The following VPS45 variants were observed in gnomAD, a reference collection of about 807,000 sequenced individuals.
VPS45 encodes the protein vacuolar protein sorting-associated protein 45.
VPS45 carries 35 observed loss-of-function variants against 75.9 expected under a neutral mutation model. The observed-to-expected ratio is 0.46, with a 90% CI of 0.35 to 0.61. VPS45 has a LOEUF of 0.61. Ranked by LOEUF, VPS45 falls within the 20% of genes least tolerant of loss-of-function variation. VPS45 has a pLI of 0.00. For synonymous variants in VPS45, 220 were observed against 238.2 expected, an observed-to-expected ratio of 0.92 and a Z score of 0.70; for missense variants, 559 against 685.9, an observed-to-expected ratio of 0.81 and a Z score of 2.07.
At chr1:150,109,227 C>T (rs1417973138) in intron 13 of VPS45, 6 of 152,146 alleles carry the variant, frequency 3.9e-5, no homozygotes, top group Non-Finnish European at 8.8e-5. Context: ...GCCTGGGTTT[C>T]ACCATGTTGG....
chr1:150,084,223 G>T (rs1195181165), intron 10 of VPS45, among the ~76,000 whole-genome samples: 1 of 152,176 alleles, frequency 6.6e-6, no homozygotes, highest in Non-Finnish European at 1.5e-5. Flanking sequence ...CAGTTTACAA[G>T]CTTTATGAAG....
intron 14 of VPS45, among the ~76,000 whole-genome samples, chr1:150,124,495 C>T (rs1171254783): frequency 2.0e-5 from 3 of 150,444 alleles, no homozygotes; most frequent in African/African-American, 7.3e-5. Flanking sequence ...AAAAATCATT[C>T]ATAATACCAC....
intron 14 of VPS45, among the ~76,000 whole-genome samples, chr1:150,135,638 C>A (rs184798371): frequency 6.6e-6 from 1 of 151,656 alleles, no homozygotes; most frequent in African/African-American, 2.4e-5. Context: ...CTGGACTACA[C>A]CCTTAGGACT....
chr1:150,123,177 A>C (rs1426459915), intron 14 of VPS45, among the ~76,000 whole-genome samples: 1 of 152,162 alleles, frequency 6.6e-6, no homozygotes, highest in Non-Finnish European at 1.5e-5. Flanking sequence ...AGACTCCTCC[A>C]TGTGTAACAT....
At position 150,140,256 on chromosome 1, in the gene VPS45, T is replaced by C. The variant is rs587657580; in HGVS notation, c.1626-4453T>C. 3.3e-5 allele frequency among the ~76,000 whole-genome samples: 5 copies of C among 152,310 alleles called. No homozygotes were observed. In the East Asian group the frequency reaches 9.6e-4, roughly 29 times the overall value. On this transcript the variant is annotated intron_variant, in intron 14 of 14. Coordinates refer to ENST00000644510, the MANE Select transcript of VPS45 (RefSeq NM_007259.5). ...ACTACCATCTCCAATACTCCTTTTTTAAACCTGCTTTATCTTTTCCCATAG... is the reference window on the plus strand; with the variant it reads ...ACTACCATCTCCAATACTCCTTTTTCAAACCTGCTTTATCTTTTCCCATAG...
intron 14 of VPS45, among the ~76,000 whole-genome samples, chr1:150,144,330 A>G (rs1390052950): frequency 1.3e-5 from 2 of 152,240 alleles, no homozygotes; most frequent in Non-Finnish European, 2.9e-5. Context: ...ACAACATACA[A>G]GCTCTGAGAC....
Position 150,085,603 on chromosome 1 carries a change from A to G in VPS45, c.1104+2720A>G, listed in dbSNP as rs139600494. Among the ~76,000 whole-genome samples, 3 of 152,158 alleles carry G rather than the reference A, an allele frequency of 2.0e-5. No individual in the cohort carries two copies. In the East Asian group the frequency reaches 5.8e-4, roughly 29 times the overall value. ...GGATCTTTTGTTTGATAGTAAGTGG[A>G]TGTCAGGGGCCTGACTTCTAGAGGG... On this transcript the variant is annotated intron_variant, in intron 10 of 14. Transcript: ENST00000644510.
intron 12 of VPS45, 53 bp downstream of exon 12, chr1:150,092,462 G>A: frequency 7.0e-7 from 1 of 1,419,730 alleles, no homozygotes; most frequent in Non-Finnish European, 9.8e-7. Context: ...AAGTCCTTGA[G>A]GCTGAGAGTG....
intron 14 of VPS45, among the ~76,000 whole-genome samples, chr1:150,114,467 C>CAA (rs1281790882): frequency 1.1e-4 from 13 of 122,722 alleles, no homozygotes; most frequent in African/African-American, 4.0e-4. Context: ...AACACCATCT[C>CAA]AAAAAAAAAA....
At chr1:150,099,901 G>T (rs2101584781) in intron 13 of VPS45, among the ~76,000 whole-genome samples, 1 of 149,210 alleles carries the variant, frequency 6.7e-6, no homozygotes, top group East Asian at 2.0e-4. Flanking sequence ...ATGGGCAAAA[G>T]CTGGAAGCAT....
chr1:150,083,292 C>T (rs1331065362), intron 10 of VPS45: 1 of 154,266 alleles, frequency 6.5e-6, no homozygotes, highest in African/African-American at 2.4e-5. Flanking sequence ...AAAGATAAAA[C>T]ATATATTAAA....
At chr1:150,093,800 A>T (rs1268652104) in intron 13 of VPS45, 152 bp downstream of exon 13, 1 of 961,936 alleles carries the variant, frequency 1.0e-6, no homozygotes, top group African/African-American at 1.6e-5. Flanking sequence ...TCAGCATTAG[A>T]TATGAATTCC....
chr1:150,092,367 A>C lies in VPS45; in HGVS notation c.1329A>C (p.Lys443Asn). 1 of 1,614,182 alleles carries C rather than the reference A, an allele frequency of 6.2e-7. No homozygotes were observed. Among genetic ancestry groups the C allele is most frequent in the South Asian group, 1.1e-5 (1 of 91,084 alleles). ...GAGGAAGTGACCTCTTCAGCCCCAA[A>C]GATGCTGTGGCTATCACCAAACAAT... ...RVRGSDLFSP[K>N]DAVAITKQFL... is the part of the protein sequence containing the mutation. Residue 443 changes from lysine (K) to asparagine (N), a missense_variant, in exon 12 of 15, where the codon AAA becomes AAC. Transcript: ENST00000644510.
intron 14 of VPS45, among the ~76,000 whole-genome samples, chr1:150,140,580 G>GT (rs139461281): frequency 0.04 from 6,084 of 151,216 alleles, 345 homozygotes; most frequent in African/African-American, 0.13. Context: ...GAGCAGAGGG[G>GT]TTTTTTTTTA....
At chr1:150,099,438 G>A (rs782112657) in intron 13 of VPS45, among the ~76,000 whole-genome samples, 8 of 151,598 alleles carry the variant, frequency 5.3e-5, no homozygotes, top group Admixed American at 2.6e-4. Flanking sequence ...GGCTGAACCC[G>A]GGAGGCAAAG....
At chr1:150,098,541 T>C (rs1553803532) in intron 13 of VPS45, among the ~76,000 whole-genome samples, 2 of 152,220 alleles carry the variant, frequency 1.3e-5, no homozygotes, top group Non-Finnish European at 2.9e-5. Flanking sequence ...CTAGCCACTT[T>C]CTTGGCCCTG....
At chr1:150,136,726 C>T (rs1330578128) in intron 14 of VPS45, among the ~76,000 whole-genome samples, 1 of 139,738 alleles carries the variant, frequency 7.2e-6, no homozygotes, top group Non-Finnish European at 1.5e-5. Flanking sequence ...GAAGAAAGAG[C>T]AGTCAAGGCT....
chr1:150,132,157 A>G (rs57819791), intron 14 of VPS45, among the ~76,000 whole-genome samples: 3,747 of 152,070 alleles, frequency 0.025, 147 homozygotes, highest in African/African-American at 0.085. Flanking sequence ...TGTGTAAGCT[A>G]CTTTGAATGG....
chr1:150,137,935 A>AAC (rs34017495), intron 14 of VPS45, among the ~76,000 whole-genome samples: 4 of 149,888 alleles, frequency 2.7e-5, no homozygotes, highest in Admixed American at 2.0e-4. Context: ...AAAAAAAAAA[A>AAC]CAGTTTGAAA....
Sources: allele counts gnomAD v4.1 joint callset (sites outside exome capture counted in the v4.1 genomes callset), GRCh38; gene constraint gnomAD v4.1.1; transcripts MANE v1.5; gene names NCBI Gene and HGNC (gene_info 2026-07-23, HGNC 2026-07-21).